Variants in COL28A1 observed in about 807,000 individuals in gnomAD.
The protein encoded by COL28A1 is collagen alpha-1(XXVIII) chain.
Under a neutral mutation model 150.2 loss-of-function variants are expected in COL28A1, and 161 were observed. That is an observed-to-expected ratio of 1.07 (90% CI 0.94 to 1.22). COL28A1 has a LOEUF of 1.22. COL28A1 is among the 50% of genes most tolerant of loss of function. COL28A1 has a pLI of 0.00. For missense variants in COL28A1, 1,617 were observed against 1,388.3 expected (o/e 1.16, Z -2.62); for synonymous variants, 552 against 469.7 (o/e 1.18, Z -2.26).
At chr7:7,543,634 T>C in the COL28A1 span, among the ~76,000 whole-genome samples, 1 of 152,108 alleles carries the variant, frequency 6.6e-6, no homozygotes, top group Non-Finnish European at 1.5e-5. Context: ...CTATGCAGGA[T>C]TTCCATCATA....
chr7:7,460,837 G>A (rs576230903), intron 15 of COL28A1, among the ~76,000 whole-genome samples: 2 of 152,300 alleles, frequency 1.3e-5, no homozygotes, highest in South Asian at 4.1e-4. Flanking sequence ...TAATTTCTCA[G>A]ATCATAACTC....
intron 27 of COL28A1, among the ~76,000 whole-genome samples, chr7:7,398,281 C>CA (rs1184960649): frequency 6.6e-6 from 1 of 152,200 alleles, no homozygotes; most frequent in African/African-American, 2.4e-5. Context: ...TCAATACTTA[C>CA]AGTCAAATGT....
At chr7:7,410,637 TCTTC>T (rs1033310759) in intron 27 of COL28A1, among the ~76,000 whole-genome samples, 1 of 139,680 alleles carries the variant, frequency 7.2e-6, no homozygotes, top group Non-Finnish European at 1.5e-5. Flanking sequence ...ATTGGTTTTG[TCTTC>T]CTTTTTTTTT....
intron 14 of COL28A1, among the ~76,000 whole-genome samples, chr7:7,475,440 C>T (rs1273084074): frequency 6.6e-6 from 1 of 152,146 alleles, no homozygotes; most frequent in Non-Finnish European, 1.5e-5. Flanking sequence ...ATCATTACCA[C>T]AGAATATAAC....
At chr7:7,356,397 A>G (rs1780357188), downstream of COL28A1, 1 of 152,190 alleles carries the variant, frequency 6.6e-6, no homozygotes, top group Non-Finnish European at 1.5e-5. Flanking sequence ...GGGAAGCTGC[A>G]ATAGAATTTT....
intron 25 of COL28A1, among the ~76,000 whole-genome samples, chr7:7,430,602 CAT>C (rs1225404528): frequency 6.6e-6 from 1 of 152,168 alleles, no homozygotes; most frequent in Admixed American, 6.5e-5. Flanking sequence ...TTGGAATACA[CAT>C]ATTCTAGTAT....
intron 30 of COL28A1, among the ~76,000 whole-genome samples, chr7:7,377,790 T>C (rs111299065): frequency 1.6e-3 from 206 of 128,898 alleles, no homozygotes; most frequent in African/African-American, 5.9e-3. Context: ...GGGTTTGAGG[T>C]TCCTCAATAA....
intron 4 of COL28A1, among the ~76,000 whole-genome samples, chr7:7,522,638 T>C (rs183081729): frequency 7.7e-4 from 117 of 152,074 alleles, no homozygotes; most frequent in Middle Eastern, 6.8e-3. Context: ...TTTGCTGGCA[T>C]AGAGGTCAGT....
At chr7:7,408,027 TATTTC>T (rs1279675363) in intron 27 of COL28A1, among the ~76,000 whole-genome samples, 1 of 152,156 alleles carries the variant, frequency 6.6e-6, no homozygotes, top group Non-Finnish European at 1.5e-5. Flanking sequence ...TCTTTTCTTC[TATTTC>T]TTTTTCCATT....
At chr7:7,467,654 AT>A (rs1562750774) in intron 15 of COL28A1, among the ~76,000 whole-genome samples, 1 of 37,728 alleles carries the variant, frequency 2.7e-5, no homozygotes, top group Admixed American at 2.7e-4. Flanking sequence ...CAGAATATAC[AT>A]TTTTTTCAGC....
At chr7:7,341,840 TTTTATGG>T in the COL28A1 span, among the ~76,000 whole-genome samples, 15 of 152,170 alleles carry the variant, frequency 9.9e-5, no homozygotes, top group Admixed American at 9.8e-4. Context: ...TGAACTTGCT[TTTTATGG>T]ACCAGTATAT....
At chr7:7,372,880 T>A in intron 32 of COL28A1, 118 bp downstream of exon 32, 1 of 742,450 alleles carries the variant, frequency 1.3e-6, no homozygotes, top group East Asian at 2.6e-5. Context: ...TACCATTTAA[T>A]GTTGGCATAA....
At chr7:7,371,712 T>C (rs2128283405) in intron 32 of COL28A1, among the ~76,000 whole-genome samples, 1 of 152,344 alleles carries the variant, frequency 6.6e-6, no homozygotes, top group East Asian at 1.9e-4. Context: ...AATTTAATCA[T>C]AGCTTAAATT....
intron 25 of COL28A1, among the ~76,000 whole-genome samples, chr7:7,430,212 C>T (rs543879237): frequency 4.6e-5 from 7 of 152,164 alleles, no homozygotes; most frequent in African/African-American, 7.2e-5. Flanking sequence ...CTGCAACCTC[C>T]GCCTCCCGGG....
intron 17 of COL28A1, 150 bp from the exon 18 acceptor site, chr7:7,452,537 T>C: frequency 4.1e-6 from 5 of 1,222,134 alleles, no homozygotes; most frequent in Non-Finnish European, 5.4e-6. Context: ...GGGGATGGAT[T>C]TGCACCAGAT....
chr7:7,392,525 T>C (rs1782605793), intron 27 of COL28A1, among the ~76,000 whole-genome samples: 1 of 152,180 alleles, frequency 6.6e-6, no homozygotes, highest in Admixed American at 6.5e-5. Flanking sequence ...TGTCCTGTCT[T>C]GCTAGGTTGG....
chr7:7,386,149 A>ACTGCTTG, intron 27 of COL28A1, among the ~76,000 whole-genome samples: 1 of 152,196 alleles, frequency 6.6e-6, no homozygotes, highest in East Asian at 1.9e-4. Flanking sequence ...TTTTCAGATG[A>ACTGCTTG]CTGCTTGTTC....
intron 33 of COL28A1, among the ~76,000 whole-genome samples, chr7:7,364,851 A>G (rs1022962103): frequency 3.3e-5 from 5 of 152,138 alleles, no homozygotes; most frequent in African/African-American, 1.2e-4. Context: ...TTTCCATAGC[A>G]TAGAATAGGC....
chr7:7,495,783 A>C (rs1447491313), intron 11 of COL28A1, among the ~76,000 whole-genome samples: 1 of 152,154 alleles, frequency 6.6e-6, no homozygotes, highest in Non-Finnish European at 1.5e-5. Flanking sequence ...CTCTACTTGC[A>C]CCCACTCTAG....
Sources: gnomAD v4.1 joint callset for allele counts (sites outside exome capture counted in the v4.1 genomes callset) on GRCh38, gnomAD v4.1.1 for gene constraint, MANE v1.5 for transcripts, NCBI Gene and HGNC (gene_info 2026-07-23, HGNC 2026-07-21) for gene names.